CEP112: variants seen among roughly 807,000 people sequenced by gnomAD.
The protein encoded by CEP112 is centrosomal protein of 112 kDa.
A neutral mutation model predicts 153.0 loss-of-function variants in CEP112; 127 were observed. The observed-to-expected ratio is 0.83, with a 90% confidence interval of 0.72 to 0.96. CEP112 has a LOEUF of 0.96. Among genes scored for constraint, CEP112 ranks in the 40% least tolerant of loss-of-function variants. The pLI is 0.00. For missense variants in CEP112, 1,089 were observed against 1,101.2 expected, an observed-to-expected ratio of 0.99 and a Z score of 0.16; for synonymous variants, 358 against 374.4, an observed-to-expected ratio of 0.96 and a Z score of 0.51.
At chr17:66,065,455 C>T (rs530867257) in intron 10 of CEP112, among the ~76,000 whole-genome samples, 179 of 151,998 alleles carry the variant, frequency 1.2e-3, no homozygotes, top group African/African-American at 4.0e-3. Flanking sequence ...GTTCAATACA[C>T]CCTCCATTAC....
chr17:65,776,843 T>A (rs1428764222), intron 21 of CEP112, among the ~76,000 whole-genome samples: 1 of 152,228 alleles, frequency 6.6e-6, no homozygotes, highest in Non-Finnish European at 1.5e-5. Context: ...TATATCATTG[T>A]CTGGGGTGCC....
intron 17 of CEP112, 101 bp from the exon 18 acceptor site, chr17:65,961,699 AT>A (rs1568297658): frequency 1.8e-5 from 20 of 1,120,110 alleles, no homozygotes; most frequent in Non-Finnish European, 2.1e-5. Flanking sequence ...CCAGATTTTA[AT>A]TTTTTTGATC....
chr17:65,726,317 T>G (rs2050176851), intron 23 of CEP112, among the ~76,000 whole-genome samples: 2 of 151,124 alleles, frequency 1.3e-5, no homozygotes, highest in African/African-American at 4.9e-5. Context: ...CTAGCATGGG[T>G]GACAGGGCGA....
At chr17:65,682,180 G>C (rs1277599125) in intron 24 of CEP112, among the ~76,000 whole-genome samples, 1 of 151,384 alleles carries the variant, frequency 6.6e-6, no homozygotes, top group Non-Finnish European at 1.5e-5. Context: ...TTTTAGTAGA[G>C]ACAGGGTTTC....
At position 66,123,525 on chromosome 17, in the gene CEP112, T is replaced by C. The variant is rs148913999; in HGVS notation, c.642+6221A>G. On this transcript the variant is annotated intron_variant, in intron 6 of 26. Coordinates refer to ENST00000535342, the MANE Select transcript of CEP112 (RefSeq NM_001199165.4). The stretch of plus-strand genomic sequence containing the variant: ...TGTAGTTGATTTTCTTGAATAAATG[T>C]CTTCATTTGCTCTATGCCTTTAGGA... 1.1e-4 allele frequency among the ~76,000 whole-genome samples: 16 copies of C among 152,354 alleles called. No individual in the cohort carries two copies. The East Asian group carries it at 2.9e-3, about 28-fold the overall frequency.
At chr17:65,674,908 C>G (rs538233743) in intron 24 of CEP112, among the ~76,000 whole-genome samples, 29 of 152,178 alleles carry the variant, frequency 1.9e-4, no homozygotes, top group African/African-American at 6.5e-4. Flanking sequence ...ATCATGGTTA[C>G]GAGACTTAGA....
intron 18 of CEP112, among the ~76,000 whole-genome samples, chr17:65,952,888 C>T (rs2061883950): frequency 6.6e-6 from 1 of 152,146 alleles, no homozygotes; most frequent in Non-Finnish European, 1.5e-5. Flanking sequence ...AGCATCTTTT[C>T]ATGTGGTTAT....
At chr17:65,920,404 T>TAA (rs1555713431) in intron 19 of CEP112, among the ~76,000 whole-genome samples, 5 of 111,370 alleles carry the variant, frequency 4.5e-5, no homozygotes, top group South Asian at 2.8e-4. Context: ...TATATATATA[T>TAA]AATTATAATA....
At chr17:65,709,102 C>T (rs1336008818) in intron 23 of CEP112, among the ~76,000 whole-genome samples, 1 of 152,146 alleles carries the variant, frequency 6.6e-6, no homozygotes, top group Non-Finnish European at 1.5e-5. Context: ...CATCTCCCTT[C>T]TGCAGATAAA....
At chr17:65,654,796 C>G (rs2045972911) in intron 24 of CEP112, 1 of 379,264 alleles carries the variant, frequency 2.6e-6, no homozygotes, top group Non-Finnish European at 5.0e-6. Context: ...ATAACATAGT[C>G]AAAGGCCAGA....
intron 24 of CEP112, among the ~76,000 whole-genome samples, chr17:65,647,661 C>T (rs2143513084): frequency 6.8e-6 from 1 of 147,432 alleles, no homozygotes; most frequent in South Asian, 2.2e-4. Flanking sequence ...TTTTTTTTTC[C>T]CCATATGGAT....
chr17:66,076,255 C>T (rs1005264847), intron 8 of CEP112, among the ~76,000 whole-genome samples: 3 of 117,404 alleles, frequency 2.6e-5, no homozygotes, highest in Admixed American at 1.7e-4. Flanking sequence ...CCACAGGCGG[C>T]GGGGTAAGAA....
chr17:65,690,446 A>AAAC (rs2048053399), intron 23 of CEP112, among the ~76,000 whole-genome samples: 1 of 151,014 alleles, frequency 6.6e-6, no homozygotes, highest in Admixed American at 6.6e-5. Flanking sequence ...AAAAAAAAAA[A>AAAC]AATCCTTGCA....
chr17:65,898,904 A>G (rs745832757), intron 20 of CEP112, among the ~76,000 whole-genome samples: 1 of 152,176 alleles, frequency 6.6e-6, no homozygotes, highest in Non-Finnish European at 1.5e-5. Flanking sequence ...TGTGGCAACA[A>G]ACGTAAAACA....
chr17:66,131,585 C>T (rs543620433), intron 5 of CEP112, among the ~76,000 whole-genome samples: 1 of 151,676 alleles, frequency 6.6e-6, no homozygotes, highest in Non-Finnish European at 1.5e-5. Flanking sequence ...ACTAAAAATA[C>T]AAAAAATTAG....
intron 17 of CEP112, among the ~76,000 whole-genome samples, 153 bp downstream of exon 17, chr17:66,005,537 T>C (rs2064237318): frequency 6.6e-6 from 1 of 152,068 alleles, no homozygotes; most frequent in Non-Finnish European, 1.5e-5. Flanking sequence ...AGTAATAAAA[T>C]CTTGAAGATA....
intron 4 of CEP112, among the ~76,000 whole-genome samples, chr17:66,137,226 A>C (rs989200125): frequency 1.3e-5 from 2 of 152,166 alleles, no homozygotes; most frequent in African/African-American, 4.8e-5. Context: ...GCTCAACAGC[A>C]GCCTTGATCA....
chr17:65,990,502 T>C (rs1482316291), intron 17 of CEP112, among the ~76,000 whole-genome samples: 1 of 152,238 alleles, frequency 6.6e-6, no homozygotes, highest in Non-Finnish European at 1.5e-5. Flanking sequence ...AGGCTTTGCA[T>C]TGAACTTAGT....
chr17:65,650,641 A>G (rs1487034376), intron 24 of CEP112, among the ~76,000 whole-genome samples: 1 of 150,462 alleles, frequency 6.6e-6, no homozygotes, highest in African/African-American at 2.4e-5. Flanking sequence ...CATGCCTGTA[A>G]TCCCAGCACT....
Sources: allele counts gnomAD v4.1 joint callset (sites outside exome capture counted in the v4.1 genomes callset), GRCh38; gene constraint gnomAD v4.1.1; transcripts MANE v1.5; gene names NCBI Gene and HGNC (gene_info 2026-07-23, HGNC 2026-07-21).